ABR: variants seen among roughly 807,000 people sequenced by gnomAD.
ABR encodes ABR activator of RhoGEF and GTPase, also known as active breakpoint cluster region-related protein.
Under a neutral mutation model 107.2 loss-of-function variants are expected in ABR, and 35 were observed. The observed-to-expected ratio is 0.33, with a 90% CI of 0.25 to 0.43. The LOEUF is 0.43. Among genes scored for constraint, ABR ranks in the 20% least tolerant of loss-of-function variants. ABR has a pLI of 1.00. For synonymous variants in ABR, 498 were observed against 462.0 expected, an observed-to-expected ratio of 1.08 and a Z score of -1.00; for missense variants, 815 against 1,115.2, an observed-to-expected ratio of 0.73 and a Z score of 3.83.
intron 5 of ABR, 26 bp from the exon 6 acceptor site, chr17:1,079,416 G>A: frequency 3.1e-6 from 5 of 1,603,106 alleles, no homozygotes; most frequent in Non-Finnish European, 4.3e-6. Flanking sequence ...GAGGAGTCAT[G>A]GCCTGTTCTG....
At chr17:1,080,520 A>T (rs1240118351) in intron 5 of ABR, among the ~76,000 whole-genome samples, 1 of 152,126 alleles carries the variant, frequency 6.6e-6, no homozygotes, top group Non-Finnish European at 1.5e-5. Flanking sequence ...GGAAGGCAGG[A>T]GGCAAGGTGA....
chr17:1,194,009 C>T (rs982910241), intron 1 of ABR, among the ~76,000 whole-genome samples: 5 of 152,022 alleles, frequency 3.3e-5, no homozygotes, highest in Non-Finnish European at 5.9e-5. Context: ...GCTCTTAAAG[C>T]TTACTCTCCA....
chr17:1,120,138 C>T (rs1019843033), intron 2 of ABR, among the ~76,000 whole-genome samples: 1 of 152,122 alleles, frequency 6.6e-6, no homozygotes, highest in Non-Finnish European at 1.5e-5. Flanking sequence ...GCACCTACCT[C>T]ATAGAGTTGT....
intron 9 of ABR, among the ~76,000 whole-genome samples, chr17:1,069,600 A>G (rs1179881678): frequency 3.3e-5 from 5 of 152,018 alleles, no homozygotes; most frequent in Admixed American, 2.0e-4. Flanking sequence ...TGAACCCGGG[A>G]GGCAGAGGTT....
In ABR at chr17:1,150,958, G is replaced by T. The variant is rs1597983004; in HGVS notation, c.62-25591C>A. On this transcript the variant is annotated intron_variant, in intron 1 of 22. Transcript: ENST00000302538. The surrounding 1 kb of genome is among the most constrained non-coding windows in gnomAD (Gnocchi z 4.8). ...GGTGAGGAGGTCACGTATGCAACTT[G>T]CTGTCATCTTTCTAAAAGGTAAGAA... Among the ~76,000 whole-genome samples the T allele has an allele frequency of 6.6e-6, 1 of 152,134 alleles. No homozygotes were observed. The highest frequency in any genetic ancestry group is 2.1e-4 in the South Asian group (1 of 4,826).
At chr17:1,100,831 A>ATT in intron 2 of ABR, 96 bp from the exon 3 acceptor site, 28 of 1,062,502 alleles carry the variant, frequency 2.6e-5, no homozygotes, top group Non-Finnish European at 3.5e-5. Context: ...CCCGACCTTT[A>ATT]TTTTTTTTTT....
chr17:1,085,110 CTTTTTT>C, intron 4 of ABR, among the ~76,000 whole-genome samples: 1 of 126,126 alleles, frequency 7.9e-6, no homozygotes, highest in South Asian at 2.5e-4. Context: ...CCAATTAAAA[CTTTTTT>C]TTTTTTTTTT....
rs541528276 is a variant in ABR at position 1,168,987 on chromosome 17, C to T, written c.61+10680G>A. 2.6e-5 allele frequency among the ~76,000 whole-genome samples: 4 copies of T among 152,352 alleles called. No homozygotes were observed. The South Asian group carries it at 8.3e-4, about 32-fold the overall frequency. On this transcript the variant is annotated intron_variant, in intron 1 of 22. Transcript: ENST00000302538. ...GCTGGCCTCGACCAAGTCAAGGTGG[C>T]TGTTCCACGCGGCTGGGTGGACGCC... is the stretch of plus-strand genomic sequence containing the variant.
chr17:1,060,852 C>A (rs937442291), intron 10 of ABR, among the ~76,000 whole-genome samples: 1 of 151,854 alleles, frequency 6.6e-6, no homozygotes, highest in East Asian at 1.9e-4. Flanking sequence ...ATTAGCCAGG[C>A]GTGGTGGCGG....
intron 4 of ABR, among the ~76,000 whole-genome samples, chr17:1,087,661 C>G (rs183971860): frequency 4.6e-5 from 7 of 152,044 alleles, no homozygotes; most frequent in Non-Finnish European, 1.0e-4. Context: ...TCAATGCCCA[C>G]GCTACACGAG....
In ABR at chr17:1,060,031, G is replaced by A. The variant is rs375641326; in HGVS notation, c.1183-1164C>T. ...AGTGATGTTTACTGTTGACTTGCCT[G>A]CTAAGAGCGAAGAATCAGAGACAAT... On this transcript the variant is annotated intron_variant, in intron 10 of 22. Transcript: ENST00000302538. Among the ~76,000 whole-genome samples the A allele has an allele frequency of 1.8e-4, 28 of 152,328 alleles. No homozygotes were observed. In the East Asian group the frequency reaches 5.0e-3, roughly 27 times the overall value.
upstream of ABR, among the ~76,000 whole-genome samples, chr17:1,181,729 C>T (rs1217578505): frequency 2.0e-5 from 3 of 152,186 alleles, no homozygotes; most frequent in African/African-American, 4.8e-5. Flanking sequence ...CTGGAACTCT[C>T]GGAAGACAGC....
At chr17:1,085,788 C>T (rs1051242173) in intron 4 of ABR, among the ~76,000 whole-genome samples, 2 of 152,172 alleles carry the variant, frequency 1.3e-5, no homozygotes, top group African/African-American at 2.4e-5. Flanking sequence ...ATATTTGGAT[C>T]TGCGGGAATA....
At chr17:1,069,151 C>T (rs189791997) in intron 9 of ABR, among the ~76,000 whole-genome samples, 51 of 152,182 alleles carry the variant, frequency 3.4e-4, no homozygotes, top group Admixed American at 1.4e-3. Flanking sequence ...AACAGCAGAG[C>T]CCCAAATTGG....
At chr17:1,006,754 G>T (rs2070068604) in intron 22 of ABR, among the ~76,000 whole-genome samples, 2 of 151,818 alleles carry the variant, frequency 1.3e-5, no homozygotes, top group Admixed American at 6.6e-5. Flanking sequence ...CCAGCCACGG[G>T]CCCGGGCGGT....
rs766205062 is a variant in ABR, at chr17:1,160,011, G to GA, written c.61+19655dup. On this transcript the variant is annotated intron_variant, in intron 1 of 22. Coordinates refer to ENST00000302538, the MANE Select transcript of ABR (RefSeq NM_021962.5). ...CGCTTGGGGAGGTGCCTTCTGGAGG[G>GA]AACAGGTCCCTTGGGGCTGAGAGGA... is the stretch of plus-strand genomic sequence containing the variant. Among the ~76,000 whole-genome samples the GA allele has an allele frequency of 9.9e-5, 15 of 152,136 alleles. 1 individual carries two copies. The East Asian group carries it at 1.7e-3, about 18-fold the overall frequency.
chr17:1,160,097 A>C (rs2041228289), intron 1 of ABR, among the ~76,000 whole-genome samples: 1 of 152,038 alleles, frequency 6.6e-6, no homozygotes, highest in South Asian at 2.1e-4. Flanking sequence ...GGAAACACTT[A>C]CACCAATAGG....
Position 1,070,097 on chromosome 17 carries a change from G to A in ABR, c.895-7C>T. 6.2e-7 allele frequency: 1 copy of A among 1,613,492 alleles called. No homozygotes were observed. The highest frequency in any genetic ancestry group is 2.2e-5 in the East Asian group (1 of 44,814). The stretch of plus-strand genomic sequence containing the variant: ...CCTTCACCAGCTGTCGCGTCTGAGG[G>A]AGATGGCAGACCCCCCAGCCTGCTC... On this transcript the variant is annotated splice_polypyrimidine_tract_variant and splice_region_variant and intron_variant, in intron 8 of 22. Transcript: ENST00000302538. The surrounding 1 kb of genome is among the most constrained non-coding windows in gnomAD (Gnocchi z 4.2).
chr17:1,120,531 G>A (rs1055119946), intron 2 of ABR, among the ~76,000 whole-genome samples: 5 of 152,260 alleles, frequency 3.3e-5, no homozygotes, highest in African/African-American at 1.2e-4. Context: ...CACCCACCTC[G>A]GCCTCCCAAA....
Sources: gnomAD v4.1 joint callset for allele counts (sites outside exome capture counted in the v4.1 genomes callset) on GRCh38, gnomAD v4.1.1 for gene constraint, Gnocchi (gnomAD v3.1) non-coding constraint, MANE v1.5 for transcripts, NCBI Gene and HGNC (gene_info 2026-07-23, HGNC 2026-07-21) for gene names.